The following ZSWIM6 variants were observed in gnomAD, a reference collection of about 807,000 sequenced individuals.
The protein encoded by ZSWIM6 is zinc finger SWIM-type containing 6.
In ZSWIM6, 9 loss-of-function variants were observed where a neutral mutation model predicts 113.2. The observed-to-expected ratio is 0.08, with a 90% confidence interval of 0.05 to 0.14. ZSWIM6 has a LOEUF of 0.14. Ranked by LOEUF, ZSWIM6 falls within the 10% of genes least tolerant of loss-of-function variation. ZSWIM6 has a pLI of 1.00. For missense variants in ZSWIM6, 1,162 were observed against 1,552.2 expected, an observed-to-expected ratio of 0.75 and a Z score of 4.22; for synonymous variants, 611 against 606.5, an observed-to-expected ratio of 1.01 and a Z score of -0.11.
intron 1 of ZSWIM6, among the ~76,000 whole-genome samples, chr5:61,442,106 A>G (rs950615649): frequency 2.0e-5 from 3 of 152,178 alleles, no homozygotes; most frequent in Non-Finnish European, 4.4e-5. Context: ...TTAGCCAATC[A>G]TGGTGGGTGT....
chr5:61,499,934 A>G (rs998384292), intron 4 of ZSWIM6, among the ~76,000 whole-genome samples: 2 of 152,122 alleles, frequency 1.3e-5, no homozygotes, highest in African/African-American at 2.4e-5. Flanking sequence ...CCCTGAAACA[A>G]TCCTGTGAAA....
At chr5:61,347,829 A>G (rs1348902682) in intron 1 of ZSWIM6, 1 of 152,262 alleles carries the variant, frequency 6.6e-6, no homozygotes, top group East Asian at 1.9e-4. Flanking sequence ...TGAAACTCAC[A>G]AACGGCAAAA....
intron 1 of ZSWIM6, among the ~76,000 whole-genome samples, chr5:61,333,295 G>T (rs1023817746): frequency 3.9e-5 from 6 of 151,932 alleles, no homozygotes; most frequent in Non-Finnish European, 8.8e-5. Context: ...GGACAAAGGC[G>T]CGGGCGGACG....
At chr5:61,382,050 A>G (rs1170262408) in intron 1 of ZSWIM6, among the ~76,000 whole-genome samples, 4 of 152,202 alleles carry the variant, frequency 2.6e-5, no homozygotes, top group Non-Finnish European at 5.9e-5. Flanking sequence ...GAGAACTGGA[A>G]TGCAGGCCAA....
intron 1 of ZSWIM6, among the ~76,000 whole-genome samples, chr5:61,453,871 G>A (rs1003450953): frequency 6.6e-6 from 1 of 151,312 alleles, no homozygotes; most frequent in Non-Finnish European, 1.5e-5. Context: ...TTGGGGGGGG[G>A]AAGATACTTT....
intron 1 of ZSWIM6, among the ~76,000 whole-genome samples, chr5:61,369,739 C>T (rs1157517133): frequency 6.6e-6 from 1 of 152,148 alleles, no homozygotes; most frequent in Non-Finnish European, 1.5e-5. Context: ...GAGAACCACC[C>T]ACCATGCGAA....
At chr5:61,465,452 C>T (rs1747415722) in intron 1 of ZSWIM6, among the ~76,000 whole-genome samples, 1 of 150,982 alleles carries the variant, frequency 6.6e-6, no homozygotes, top group Non-Finnish European at 1.5e-5. Flanking sequence ...CAACACTTCC[C>T]CTTAAACTAG....
rs1447176581 is a variant in ZSWIM6 at position 61,346,111 on chromosome 5, A to G, written c.676+13163A>G. On this transcript the variant is annotated intron_variant, in intron 1 of 13. Transcript: ENST00000252744. ...AGGCGCCCATCACCACGCCCAGCTA[A>G]TTTTTGTGTTTTTTTTTTAGTAGAG... Among the ~76,000 whole-genome samples, 7 of 151,576 alleles carry G rather than the reference A, an allele frequency of 4.6e-5. No homozygotes were observed. The East Asian group carries it at 1.2e-3, about 25-fold the overall frequency.
intron 3 of ZSWIM6, among the ~76,000 whole-genome samples, chr5:61,492,050 C>T (rs914584526): frequency 1.3e-5 from 2 of 152,100 alleles, no homozygotes; most frequent in East Asian, 1.9e-4. Context: ...GTCATGCCTC[C>T]GTGTCAACAG....
At chr5:61,536,855 T>C (rs1749587984) in intron 10 of ZSWIM6, among the ~76,000 whole-genome samples, 1 of 152,158 alleles carries the variant, frequency 6.6e-6, no homozygotes, top group African/African-American at 2.4e-5. Context: ...ATTTTTAAAA[T>C]ACCAGAAAAT....
chr5:61,430,193 G>A (rs2112134241), intron 1 of ZSWIM6, among the ~76,000 whole-genome samples: 1 of 152,158 alleles, frequency 6.6e-6, no homozygotes, highest in African/African-American at 2.4e-5. Context: ...AAGAAGAAAG[G>A]TGGGAGGTGG....
At chr5:61,408,955 C>A (rs1046555482) in intron 1 of ZSWIM6, among the ~76,000 whole-genome samples, 1 of 149,376 alleles carries the variant, frequency 6.7e-6, no homozygotes, top group Admixed American at 6.7e-5. Flanking sequence ...GGCGCGGGGG[C>A]GGGGCGGCGT....
At chr5:61,446,623 A>G (rs1746958936) in intron 1 of ZSWIM6, among the ~76,000 whole-genome samples, 1 of 152,196 alleles carries the variant, frequency 6.6e-6, no homozygotes, top group African/African-American at 2.4e-5. Context: ...AAACCCAGAC[A>G]AAAATATATA....
At chr5:61,421,276 A>G (rs577700712) in intron 1 of ZSWIM6, among the ~76,000 whole-genome samples, 2 of 152,044 alleles carry the variant, frequency 1.3e-5, no homozygotes, top group East Asian at 3.9e-4. Context: ...TTTTCTTCCT[A>G]GCCTCTGGTA....
intron 5 of ZSWIM6, 63 bp downstream of exon 5, chr5:61,521,505 T>C (rs2112261470): frequency 8.0e-7 from 1 of 1,252,500 alleles, no homozygotes; most frequent in Non-Finnish European, 1.0e-6. Context: ...GTGCTTATAA[T>C]AGTAACTTAC....
intron 11 of ZSWIM6, 55 bp downstream of exon 11, chr5:61,539,026 T>C: frequency 7.0e-7 from 1 of 1,434,774 alleles, no homozygotes; most frequent in Non-Finnish European, 9.2e-7. Flanking sequence ...CTGTTTATTT[T>C]TTTTAAGTCT....
chr5:61,454,850 C>T (rs1047356793), intron 1 of ZSWIM6, among the ~76,000 whole-genome samples: 1 of 151,192 alleles, frequency 6.6e-6, no homozygotes, highest in Non-Finnish European at 1.5e-5. Context: ...TCCCAAAGTG[C>T]TGGGATTACA....
At chr5:61,385,444 G>A (rs763584020) in intron 1 of ZSWIM6, among the ~76,000 whole-genome samples, 54 of 152,250 alleles carry the variant, frequency 3.5e-4, no homozygotes, top group Non-Finnish European at 5.7e-4. Flanking sequence ...AAAGGCATCC[G>A]ATTTGACAGA....
chr5:61,480,222 A>G (rs566708495), intron 2 of ZSWIM6, among the ~76,000 whole-genome samples: 2 of 152,346 alleles, frequency 1.3e-5, no homozygotes, highest in Admixed American at 1.3e-4. Context: ...ATTTCTGTAC[A>G]TGAATACGTA....
Sources: allele counts gnomAD v4.1 joint callset (sites outside exome capture counted in the v4.1 genomes callset), GRCh38; gene constraint gnomAD v4.1.1; transcripts MANE v1.5; gene names NCBI Gene and HGNC (gene_info 2026-07-23, HGNC 2026-07-21).